MIB2: variants seen among roughly 807,000 people sequenced by gnomAD.
MIB2 encodes MIB E3 ubiquitin protein ligase 2, also known as E3 ubiquitin-protein ligase MIB2.
A neutral mutation model predicts 96.6 loss-of-function variants in MIB2; 78 were observed. That is an observed-to-expected ratio of 0.81 (90% CI 0.67 to 0.97). MIB2 has a LOEUF of 0.97. Among genes scored for constraint, MIB2 ranks in the 50% least tolerant of loss-of-function variants. MIB2 has a pLI of 0.00. For synonymous variants in MIB2, 820 were observed against 629.5 expected (o/e 1.30, Z -4.53); for missense variants, 1,543 against 1,424.0 (o/e 1.08, Z -1.35).
rs28681667 is a variant in MIB2, at chr1:1,623,829, G to T, written c.303G>T (p.Gly101=). The part of the protein sequence containing the change: ...CDCCKKHGLR[G]MRWKCRVCLD... ...GCTGCAAGAAGCACGGGCTGCGGGG[G>T]ATGCGCTGGAAGTGCCGTGTGTGCC... Residue 101 remains glycine (G), a synonymous_variant, in exon 4 of 20, where the codon GGG becomes GGT. Transcript: ENST00000355826. 5.0e-3 allele frequency: 7,988 copies of T among 1,610,582 alleles called. 349 individuals are homozygous for T. In the African/African-American group the frequency reaches 0.093, roughly 19 times the overall value.
intron 4 of MIB2, 72 bp downstream of exon 4, chr1:1,624,017 G>A (rs1463593239): frequency 2.0e-6 from 3 of 1,502,750 alleles, no homozygotes; most frequent in Non-Finnish European, 2.7e-6. Context: ...TGGCCTTCGG[G>A]GAGGGTGCTG....
At chr1:1,627,927 G>A (rs905825927) in intron 13 of MIB2, 92 bp from the exon 14 acceptor site, 2 of 1,599,588 alleles carry the variant, frequency 1.3e-6, no homozygotes, top group Non-Finnish European at 1.7e-6. Flanking sequence ...TGGCCTGGGT[G>A]CCCCCTGCCC....
chr1:1,618,372 G>A (rs1446160147), intron 2 of MIB2: 1 of 152,550 alleles, frequency 6.6e-6, no homozygotes, highest in Non-Finnish European at 1.5e-5. Flanking sequence ...GACAGGTCCA[G>A]GGTGGAGGCA....
intron 2 of MIB2, chr1:1,616,915 T>G: frequency 3.0e-6 from 1 of 330,638 alleles, no homozygotes; most frequent in Non-Finnish European, 5.6e-6. Flanking sequence ...CCCTGGCCTG[T>G]TGCCTCACAT....
chr1:1,616,077 G>A lies in MIB2; in HGVS notation c.-129-431G>A, dbSNP rs1293824109. On this transcript the variant is annotated intron_variant, in intron 1 of 19. Coordinates refer to ENST00000355826, the MANE Select transcript of MIB2 (RefSeq NM_001170687.4). ...CGAGCGGAGCGGGCGGGACGGAAAC[G>A]TCCGGGCAAGTTGGGGTCGGCAGGT... The A allele has an allele frequency of 4.1e-6, 4 of 984,192 alleles. No homozygotes were observed. In the African/African-American group the frequency reaches 5.2e-5, roughly 13 times the overall value. 61.0% of individuals were successfully genotyped at this position (984,192 alleles called of 1,614,324 possible).
upstream of MIB2, chr1:1,615,256 C>A (rs1341516717): frequency 1.8e-6 from 2 of 1,092,548 alleles, no homozygotes; most frequent in African/African-American, 1.7e-5. Flanking sequence ...CGGCAAGTGC[C>A]GCCAGTGCCA....
chr1:1,629,511 C>G lies in MIB2; in HGVS notation c.2508C>G (p.Ser836=), dbSNP rs985079792. 1.3e-6 allele frequency: 2 copies of G among 1,537,350 alleles called. No individual in the cohort carries two copies. The highest frequency in any genetic ancestry group is 1.4e-5 in the African/African-American group (1 of 72,602). Residue 836 remains serine (S), a synonymous_variant, in exon 18 of 20, where the codon TCC becomes TCG. Coordinates refer to ENST00000355826, the MANE Select transcript of MIB2 (RefSeq NM_001170687.4). ...GPEAAECLVC[S]ELALLVLFSP... is the part of the protein sequence containing the mutation. ...AGGCCGCTGAGTGCCTGGTGTGCTC[C>G]GAGCTGGCGCTGCTGGTGCTGTTCT...
At chr1:1,620,927 A>G (rs1048303050) in intron 2 of MIB2, among the ~76,000 whole-genome samples, 8 of 152,250 alleles carry the variant, frequency 5.3e-5, no homozygotes, top group Non-Finnish European at 8.8e-5. Flanking sequence ...AGGTGGGGCC[A>G]TGGAGCTGGG....
At chr1:1,622,535 A>G (rs973161701) in intron 2 of MIB2, among the ~76,000 whole-genome samples, 9 of 152,116 alleles carry the variant, frequency 5.9e-5, no homozygotes, top group Non-Finnish European at 1.0e-4. Context: ...GCACCTTTGT[A>G]TAAACGGAGC....
rs781654506 is a variant in MIB2 at position 1,627,167 on chromosome 1, C to G, written c.1334C>G (p.Ala445Gly). ...GTGGTGGAGGTGGCGCTGGGTAACG[C>G]AGCCCGGGCTCTGGACCTGCTGCGG... is the stretch of plus-strand genomic sequence containing the variant. ...RLVVEVALGN[A>G]ARALDLLRRR... The change falls in exon 11 of 20, where the codon GCA (alanine) becomes GGA (glycine). Residue 445 changes from alanine to glycine, a missense_variant. Transcript: ENST00000355826. 6.3e-6 allele frequency: 10 copies of G among 1,590,730 alleles called. No individual in the cohort carries two copies. The highest frequency in any genetic ancestry group is 1.1e-5 in the South Asian group (1 of 88,850).
rs1199470235 is a variant in MIB2, at chr1:1,629,304, C to T, written c.2374C>T (p.Arg792Cys). The T allele has an allele frequency of 2.0e-6, 3 of 1,502,606 alleles. No individual in the cohort carries two copies. The highest frequency in any genetic ancestry group is 2.6e-6 in the Non-Finnish European group (3 of 1,141,172). 93.1% of individuals were successfully genotyped at this position (1,502,606 alleles called of 1,614,324 possible). A position where few individuals can be genotyped will look rare whatever the true frequency, so the allele number is the denominator to read the frequency against. Reference protein sequence around the residue: ...VLKALQGCAQRFRERQAGGGA... With the variant: ...VLKALQGCAQCFRERQAGGGA... ...CAAGGCCCTTCAGGGCTGCGCCCAGCGCTTCCGGTGAGTCCGTGGACGGCG... is the reference window on the plus strand; with the variant it reads ...CAAGGCCCTTCAGGGCTGCGCCCAGTGCTTCCGGTGAGTCCGTGGACGGCG... Residue 792 changes from arginine to cysteine, a missense_variant, in exon 17 of 20, where the codon CGC becomes TGC. By Grantham distance (180) the Arg-to-Cys change is radical. Coordinates refer to ENST00000355826, the MANE Select transcript of MIB2 (RefSeq NM_001170687.4).
chr1:1,626,893 A>C lies in MIB2; in HGVS notation c.1134A>C (p.Val378=). 1 of 1,607,364 alleles carries C rather than the reference A, an allele frequency of 6.2e-7. No individual in the cohort carries two copies. Among genetic ancestry groups the C allele is most frequent in the Non-Finnish European group, 8.5e-7 (1 of 1,179,606 alleles). Residue 378 remains valine (V), a synonymous_variant, in exon 10 of 20, where the codon GTA becomes GTC. Coordinates refer to ENST00000355826, the MANE Select transcript of MIB2 (RefSeq NM_001170687.4). This position sits in a 1 kb window ranked among gnomAD's most constrained non-coding sequence, Gnocchi z 5.3. Reference sequence around the variant, plus strand: ...TGTTTGGAGACGGGAACCTGCGTGTAGCAGTCGCTGGTCAGCGGTGGACCT... The same window carrying C: ...TGTTTGGAGACGGGAACCTGCGTGTCGCAGTCGCTGGTCAGCGGTGGACCT... ...VKVFGDGNLR[V]AVAGQRWTFS...
chr1:1,627,929 C>A, intron 13 of MIB2, 90 bp from the exon 14 acceptor site: 2 of 1,600,670 alleles, frequency 1.2e-6, no homozygotes, highest in Non-Finnish European at 1.7e-6. Flanking sequence ...GCCTGGGTGC[C>A]CCCTGCCCGT....
intron 2 of MIB2, 166 bp from the exon 3 acceptor site, chr1:1,623,265 G>C (rs972308906): frequency 4.9e-5 from 58 of 1,186,482 alleles, no homozygotes; most frequent in Non-Finnish European, 6.3e-5. Context: ...GCCAGACTGC[G>C]GGCCTCCTTG....
Position 1,628,322 on chromosome 1 carries a change from A to T in MIB2, c.1891A>T (p.Lys631Ter). The change falls in exon 15 of 20, where the codon AAG becomes TAG. Residue 631 changes from lysine to a stop codon, truncating the protein, a stop_gained. Coordinates refer to ENST00000355826, the MANE Select transcript of MIB2 (RefSeq NM_001170687.4). LOFTEE classifies it high-confidence loss of function. ...ARARQLVDAK[K>*]EDGFTALHLA... ...GGCGCGGCAGCTGGTGGACGCCAAGAAGGAGGACGGCTTCACGGCGCTGCA... is the reference window on the plus strand; with the variant it reads ...GGCGCGGCAGCTGGTGGACGCCAAGTAGGAGGACGGCTTCACGGCGCTGCA... 1 of 1,612,846 alleles carries T rather than the reference A, an allele frequency of 6.2e-7. No individual in the cohort carries two copies. Among genetic ancestry groups the T allele is most frequent in the Non-Finnish European group, 8.5e-7 (1 of 1,179,926 alleles).
intron 2 of MIB2, among the ~76,000 whole-genome samples, chr1:1,619,703 A>C (rs1392138587): frequency 3.3e-5 from 5 of 152,102 alleles, no homozygotes; most frequent in Non-Finnish European, 5.9e-5. Context: ...GGGCGCACCC[A>C]GCTCCCCTGT....
intron 4 of MIB2, chr1:1,624,320 T>G: frequency 2.9e-6 from 1 of 339,476 alleles, no homozygotes; most frequent in South Asian, 3.0e-5. Context: ...CCCCGTCCCC[T>G]GCATTTGTCA....
intron 2 of MIB2, chr1:1,617,908 ACT>A (rs766502363): frequency 1.3e-5 from 2 of 152,140 alleles, no homozygotes; most frequent in East Asian, 3.8e-4. Context: ...ACATTTGGTA[ACT>A]CTCTGAGTAA....
intron 4 of MIB2, 120 bp downstream of exon 4, chr1:1,624,065 C>G (rs1246450401): frequency 1.6e-6 from 2 of 1,253,134 alleles, no homozygotes; most frequent in Non-Finnish European, 1.1e-6. Flanking sequence ...GCAAGTCTCT[C>G]CAGAGCCGTG....
Sources: gnomAD v4.1 joint callset for allele counts (sites outside exome capture counted in the v4.1 genomes callset) on GRCh38, gnomAD v4.1.1 for gene constraint, Gnocchi (gnomAD v3.1) non-coding constraint, MANE v1.5 for transcripts, NCBI Gene and HGNC (gene_info 2026-07-23, HGNC 2026-07-21) for gene names.